Variants in RINT1 observed in about 807,000 individuals in gnomAD.
RINT1 encodes RAD50-interacting protein 1.
RINT1 carries 75 observed loss-of-function variants against 97.7 expected under a neutral mutation model. That is an observed-to-expected ratio of 0.77 (90% CI 0.64 to 0.93). The LOEUF is 0.93. Ranked by LOEUF, RINT1 falls within the 40% of genes least tolerant of loss-of-function variation. The pLI, the probability that RINT1 is intolerant of heterozygous loss-of-function variation, is 0.00. For synonymous variants in RINT1, 303 were observed against 326.3 expected, an observed-to-expected ratio of 0.93 and a Z score of 0.77; for missense variants, 892 against 925.2, an observed-to-expected ratio of 0.96 and a Z score of 0.47.
At chr7:105,563,163 C>T (rs1748745698) in intron 11 of RINT1, among the ~76,000 whole-genome samples, 1 of 152,144 alleles carries the variant, frequency 6.6e-6, no homozygotes, top group Non-Finnish European at 1.5e-5. Context: ...CACAACCAAC[C>T]ATACGTTGTA....
intron 4 of RINT1, among the ~76,000 whole-genome samples, chr7:105,546,670 TCAAGAC>T (rs1234279163): frequency 6.6e-6 from 1 of 152,134 alleles, no homozygotes; most frequent in African/African-American, 2.4e-5. Context: ...GGTCAGGAGT[TCAAGAC>T]CAGCTTGGCC....
At chr7:105,559,956 C>A (rs1486612588) in intron 11 of RINT1, among the ~76,000 whole-genome samples, 1 of 152,190 alleles carries the variant, frequency 6.6e-6, no homozygotes, top group Non-Finnish European at 1.5e-5. Flanking sequence ...CTGAAATAAG[C>A]AGCCATTCAG....
chr7:105,533,072 G>C (rs772111602), intron 2 of RINT1, among the ~76,000 whole-genome samples: 2 of 152,206 alleles, frequency 1.3e-5, no homozygotes, highest in African/African-American at 2.4e-5. Context: ...TTGGAGAAGA[G>C]CACTTCCCGA....
rs775721137 is a variant in RINT1 at position 105,550,487 on chromosome 7, G to GT, written c.1333+2dup. The GT allele has an allele frequency of 1.2e-6, 2 of 1,606,650 alleles. No individual in the cohort carries two copies. The highest frequency in any genetic ancestry group is 1.7e-6 in the Non-Finnish European group (2 of 1,173,264). On this transcript the variant is annotated splice_donor_variant, in intron 9 of 14. Transcript: ENST00000257700. LOFTEE classifies it high-confidence loss of function. ...AGATGGTTGACGGTGGAGAGAAAAT[G>GT]TAAGTGCTGATGTGGCCAGATGGTA...
At position 105,555,181 on chromosome 7, in the gene RINT1, C is replaced by T. The variant is rs758281458; in HGVS notation, c.1625C>T (p.Ala542Val). ...TTTCGATACTGTGCAATTCTTAATGCTGTGAACTACATCTCAACAGTACTA... is the reference window on the plus strand; with the variant it reads ...TTTCGATACTGTGCAATTCTTAATGTTGTGAACTACATCTCAACAGTACTA... ...LGFRYCAILN[A>V]VNYISTVLAD... Residue 542 changes from alanine to valine, a missense_variant, in exon 11 of 15, where the codon GCT becomes GTT. Physicochemically the swap from Ala to Val is moderately conservative, Grantham distance 64 (BLOSUM62 0). Transcript: ENST00000257700. 3 of 1,613,934 alleles carry T rather than the reference C, an allele frequency of 1.9e-6. No individual in the cohort carries two copies. The highest frequency in any genetic ancestry group is 2.5e-6 in the Non-Finnish European group (3 of 1,180,004).
At chr7:105,554,764 T>G (rs187306578) in intron 10 of RINT1, among the ~76,000 whole-genome samples, 1 of 152,210 alleles carries the variant, frequency 6.6e-6, no homozygotes, top group Non-Finnish European at 1.5e-5. Flanking sequence ...TATGTATAAT[T>G]TTTTCATTTG....
chr7:105,548,996 T>C (rs979292508), intron 7 of RINT1, among the ~76,000 whole-genome samples: 17 of 152,134 alleles, frequency 1.1e-4, no homozygotes, highest in Middle Eastern at 6.8e-3. Context: ...TTTTCTTTTT[T>C]TTTTTTTGTG....
chr7:105,532,527 C>T (rs551306767), intron 1 of RINT1, among the ~76,000 whole-genome samples, 170 bp downstream of exon 1: 91 of 152,274 alleles, frequency 6.0e-4, no homozygotes, highest in South Asian at 2.3e-3. Flanking sequence ...CGGTAGTCCC[C>T]GTGAAGTGGC....
At position 105,567,252 on chromosome 7, in the gene RINT1, C is replaced by G. The variant is rs1231340123; in HGVS notation, c.2320C>G (p.Gln774Glu). The change falls in exon 15 of 15, where the codon CAA becomes GAA. Residue 774 changes from glutamine to glutamate, a missense_variant. By Grantham distance (29) the Gln-to-Glu change is conservative (BLOSUM62 2). Transcript: ENST00000257700. ...LNEVGIYKLAQQDVEILLNLR... is the reference protein window; with the variant it reads ...LNEVGIYKLAEQDVEILLNLR... Reference sequence around the variant, plus strand: ...TGAAGTTGGAATTTACAAACTGGCTCAACAAGATGTTGAGATTCTACTTAA... The same window carrying G: ...TGAAGTTGGAATTTACAAACTGGCTGAACAAGATGTTGAGATTCTACTTAA... The G allele has an allele frequency of 1.9e-6, 3 of 1,612,928 alleles. No homozygotes were observed. In the African/African-American group the frequency reaches 4.0e-5, roughly 22 times the overall value.
In RINT1 at chr7:105,550,181, A is replaced by G. The variant is rs772237328; in HGVS notation, c.1107+16A>G. ...AAACGCAAGGGTAAGAGACTCAGTCATAAGTGTTTCTGTTTTAGAACTGTA... is the reference window on the plus strand; with the variant it reads ...AAACGCAAGGGTAAGAGACTCAGTCGTAAGTGTTTCTGTTTTAGAACTGTA... On this transcript the variant is annotated intron_variant, in intron 8 of 14. Coordinates refer to ENST00000257700, the MANE Select transcript of RINT1 (RefSeq NM_021930.6). The G allele has an allele frequency of 4.4e-6, 7 of 1,605,230 alleles. No homozygotes were observed. Among genetic ancestry groups the G allele is most frequent in the East Asian group, 4.5e-5 (2 of 44,850 alleles).
intron 10 of RINT1, among the ~76,000 whole-genome samples, chr7:105,552,450 T>C (rs1366657790): frequency 1.3e-5 from 2 of 152,126 alleles, no homozygotes; most frequent in Non-Finnish European, 2.9e-5. Flanking sequence ...GCAGGGATTC[T>C]CTGGCTGGAG....
intron 11 of RINT1, among the ~76,000 whole-genome samples, chr7:105,559,372 C>G (rs62486997): frequency 0.08 from 12,088 of 151,988 alleles, 515 homozygotes; most frequent in East Asian, 0.12. Context: ...GAAACCCCAT[C>G]TCTACTAAAA....
At chr7:105,561,583 C>T (rs891165510) in intron 11 of RINT1, among the ~76,000 whole-genome samples, 7 of 152,006 alleles carry the variant, frequency 4.6e-5, no homozygotes, top group East Asian at 3.9e-4. Context: ...TTTTTTGAGA[C>T]GGGGTTTCAC....
intron 3 of RINT1, 73 bp from the exon 4 acceptor site, chr7:105,542,335 A>G (rs1165455321): frequency 1.1e-6 from 1 of 947,068 alleles, no homozygotes; most frequent in African/African-American, 1.7e-5. Flanking sequence ...ATCCCCTCTC[A>G]AAAAAAAAAT....
At chr7:105,551,928 TGTG>T (rs1423142461) in intron 10 of RINT1, among the ~76,000 whole-genome samples, 1 of 151,926 alleles carries the variant, frequency 6.6e-6, no homozygotes, top group Non-Finnish European at 1.5e-5. Context: ...ATTAGCCAGT[TGTG>T]GTGGTGTGTG....
At chr7:105,559,560 A>G (rs1319930411) in intron 11 of RINT1, among the ~76,000 whole-genome samples, 2 of 149,616 alleles carry the variant, frequency 1.3e-5, no homozygotes, top group Middle Eastern at 3.4e-3. Context: ...AAAAAAAAAA[A>G]AAAAAAAAGA....
intron 11 of RINT1, among the ~76,000 whole-genome samples, chr7:105,558,126 C>T (rs1791265539): frequency 6.6e-6 from 1 of 151,298 alleles, no homozygotes; most frequent in Non-Finnish European, 1.5e-5. Flanking sequence ...ACCAGCCTGG[C>T]CAACATGGTG....
chr7:105,534,738 G>T (rs1790159480), intron 2 of RINT1, among the ~76,000 whole-genome samples: 1 of 152,016 alleles, frequency 6.6e-6, no homozygotes, highest in Non-Finnish European at 1.5e-5. Flanking sequence ...CTCTGGGAAG[G>T]CACAATGTAT....
chr7:105,542,015 G>A (rs1790477347), intron 3 of RINT1, among the ~76,000 whole-genome samples: 1 of 152,076 alleles, frequency 6.6e-6, no homozygotes, highest in East Asian at 1.9e-4. Context: ...TGTTTGGATT[G>A]ATTAGTACAG....
Sources: allele counts gnomAD v4.1 joint callset (sites outside exome capture counted in the v4.1 genomes callset), GRCh38; gene constraint gnomAD v4.1.1; transcripts MANE v1.5; gene names NCBI Gene and HGNC (gene_info 2026-07-23, HGNC 2026-07-21).